RBFOX1: variants seen among roughly 807,000 people sequenced by gnomAD.
The protein encoded by RBFOX1 is RNA binding protein fox-1 homolog 1.
In RBFOX1, 8 loss-of-function variants were observed where a neutral mutation model predicts 57.7. The ratio of observed to expected loss-of-function variants is 0.14; its 90% CI spans 0.08 to 0.25. The LOEUF is 0.25. Ranked by LOEUF, RBFOX1 falls within the 10% of genes least tolerant of loss-of-function variation. The pLI is 1.00. For synonymous variants in RBFOX1, 326 were observed against 222.4 expected (o/e 1.47, Z -4.15); for missense variants, 611 against 548.5 (o/e 1.11, Z -1.14).
rs183598440 is a variant in RBFOX1, at chr16:6,536,786, G to C, written c.-63-117817G>C. Among the ~76,000 whole-genome samples, 455 of 152,254 alleles carry C rather than the reference G, an allele frequency of 3.0e-3. 1 individual carries two copies. Among genetic ancestry groups the C allele is most frequent in the Middle Eastern group, 0.017 (5 of 294 alleles). The stretch of plus-strand genomic sequence containing the variant: ...GAGAGATTAACAATACAAGAAGTTA[G>C]TAACATTGATCTGTCATGGCCAAGT... On this transcript the variant is annotated intron_variant, in intron 2 of 15. Coordinates refer to ENST00000550418, the MANE Select transcript of RBFOX1 (RefSeq NM_018723.4).
intron 3 of RBFOX1, among the ~76,000 whole-genome samples, chr16:6,680,382 C>T (rs1366499770): frequency 6.6e-6 from 1 of 150,552 alleles, no homozygotes; most frequent in Non-Finnish European, 1.5e-5. Flanking sequence ...CCTGCCTCAG[C>T]CTCCCGAGTA....
chr16:7,509,070 C>A (rs1045935489), intron 4 of RBFOX1, among the ~76,000 whole-genome samples: 1 of 152,160 alleles, frequency 6.6e-6, no homozygotes, highest in Admixed American at 6.5e-5. Context: ...CTGCCTTTGG[C>A]ATTGATGTGG....
intron 3 of RBFOX1, chr16:5,838,343 G>C (rs977907666): frequency 5.8e-6 from 1 of 171,766 alleles, no homozygotes. Flanking sequence ...AATGCAGCGA[G>C]CATGTGGAGG....
intron 3 of RBFOX1, among the ~76,000 whole-genome samples, chr16:6,669,938 C>G (rs1003257613): frequency 1.3e-5 from 2 of 152,186 alleles, no homozygotes; most frequent in East Asian, 1.9e-4. Flanking sequence ...AAAGGAGTAA[C>G]TTACAAACTT....
At chr16:7,014,575 A>C (rs1368899738) in intron 3 of RBFOX1, among the ~76,000 whole-genome samples, 1 of 152,026 alleles carries the variant, frequency 6.6e-6, no homozygotes, top group African/African-American at 2.4e-5. Flanking sequence ...CCCCGTCTTA[A>C]ACTGAATTTT....
In RBFOX1 at chr16:7,286,042, T is replaced by C. The variant is rs531007125; in HGVS notation, c.28-232105T>C. On this transcript the variant is annotated intron_variant, in intron 4 of 15. Coordinates refer to ENST00000550418, the MANE Select transcript of RBFOX1 (RefSeq NM_018723.4). ...TGCTTGTTTGTATCTTTAATCAGCA[T>C]ACTGGGAACACTGTACAATTCTTAG... Among the ~76,000 whole-genome samples the C allele has an allele frequency of 2.6e-5, 4 of 152,348 alleles. No homozygotes were observed. In the South Asian group the frequency reaches 8.3e-4, roughly 32 times the overall value.
Position 6,566,597 on chromosome 16 carries a change from T to C in RBFOX1, c.-63-88006T>C, listed in dbSNP as rs147043649. Among the ~76,000 whole-genome samples, 22 of 152,334 alleles carry C rather than the reference T, an allele frequency of 1.4e-4. No individual in the cohort carries two copies. In the East Asian group the frequency reaches 4.0e-3, roughly 28 times the overall value. On this transcript the variant is annotated intron_variant, in intron 2 of 15. Coordinates refer to ENST00000550418, the MANE Select transcript of RBFOX1 (RefSeq NM_018723.4). ...TTGCCGAAATACTGCTTTATTTCAT[T>C]TCTTATTATCTTTAGAAGGTATTAC...
chr16:6,657,396 A>G (rs1182976909), intron 3 of RBFOX1, among the ~76,000 whole-genome samples: 5 of 152,138 alleles, frequency 3.3e-5, no homozygotes, highest in African/African-American at 1.2e-4. Context: ...GCAAACGCTA[A>G]TGATCCCTGA....
intron 14 of RBFOX1, among the ~76,000 whole-genome samples, chr16:7,692,351 G>C (rs1172703725): frequency 6.6e-6 from 1 of 152,136 alleles, no homozygotes. Context: ...TGTACCTCTT[G>C]CAACAGTAAA....
intron 4 of RBFOX1, among the ~76,000 whole-genome samples, chr16:7,425,497 C>G (rs1243822185): frequency 2.0e-5 from 3 of 152,156 alleles, no homozygotes; most frequent in South Asian, 2.1e-4. Context: ...ACATTTATAT[C>G]AGGATGAATC....
intron 4 of RBFOX1, among the ~76,000 whole-genome samples, chr16:7,292,015 T>TGTATATATTATATTATACAATTATA (rs2095789450): frequency 7.1e-6 from 1 of 141,114 alleles, no homozygotes; most frequent in Non-Finnish European, 1.5e-5. Context: ...TATTATATAT[T>TGTATATATTATATTATACAATTATA]GTATATATTA....
intron 3 of RBFOX1, among the ~76,000 whole-genome samples, chr16:7,013,642 G>T (rs1399798597): frequency 3.9e-5 from 6 of 152,148 alleles, no homozygotes; most frequent in African/African-American, 1.2e-4. Flanking sequence ...GAGGGAGGAT[G>T]CCATTAACAA....
intron 4 of RBFOX1, among the ~76,000 whole-genome samples, chr16:7,462,420 G>C (rs889447638): frequency 2.0e-5 from 3 of 152,236 alleles, no homozygotes; most frequent in African/African-American, 7.2e-5. Flanking sequence ...AAACCCAGGA[G>C]GCAGAGATTG....
chr16:6,394,653 G>GAT lies in RBFOX1; in HGVS notation c.-64+77605_-64+77606dup, dbSNP rs963298980. Reference sequence around the variant, plus strand: ...TCTAATATATATATTATGTGTATTAGATATATATATGATATATATGATATA... The same window carrying GAT: ...TCTAATATATATATTATGTGTATTAGATATATATATATGATATATATGATATA... On this transcript the variant is annotated intron_variant, in intron 2 of 15. Transcript: ENST00000550418. Among the ~76,000 whole-genome samples the GAT allele has an allele frequency of 1.9e-4, 28 of 151,052 alleles. No homozygotes were observed. The East Asian group carries it at 3.9e-3, about 21-fold the overall frequency.
rs541817264 is a variant in RBFOX1, at chr16:7,405,116, G to A, written c.28-113031G>A. ...AGGGTGATTCTTGAGAGCTTTCTGG[G>A]CCCATCCTAGAGAAAAATCTCCAGT... On this transcript the variant is annotated intron_variant, in intron 4 of 15. Coordinates refer to ENST00000550418, the MANE Select transcript of RBFOX1 (RefSeq NM_018723.4). Among the ~76,000 whole-genome samples, 3 of 152,306 alleles carry A rather than the reference G, an allele frequency of 2.0e-5. No homozygotes were observed. In the East Asian group the frequency reaches 5.8e-4, roughly 29 times the overall value.
chr16:7,410,696 CA>C (rs939992164), intron 4 of RBFOX1, among the ~76,000 whole-genome samples: 15 of 141,626 alleles, frequency 1.1e-4, no homozygotes, highest in East Asian at 6.9e-4. Context: ...AACAAAACAA[CA>C]AAAAAACAAA....
intron 2 of RBFOX1, among the ~76,000 whole-genome samples, chr16:6,641,734 C>CAAAAAAAAAAAAA (rs869202831): frequency 8.7e-5 from 6 of 68,964 alleles, no homozygotes; most frequent in African/African-American, 1.3e-4. Context: ...GACTCCGTCT[C>CAAAAAAAAAAAAA]AAAAAAAAAA....
chr16:7,252,892 G>A lies in RBFOX1; in HGVS notation c.27+200794G>A, dbSNP rs148292747. ...TCATATGACCTACCCATATTTGGCAGAGCCGTTATCTTAGAGCCTCCAAAA... is the reference window on the plus strand; with the variant it reads ...TCATATGACCTACCCATATTTGGCAAAGCCGTTATCTTAGAGCCTCCAAAA... On this transcript the variant is annotated intron_variant, in intron 4 of 15. Transcript: ENST00000550418. Among the ~76,000 whole-genome samples, 145 of 152,126 alleles carry A rather than the reference G, an allele frequency of 9.5e-4. 2 individuals carry two copies. Among genetic ancestry groups the A allele is most frequent in the Admixed American group, 8.4e-3 (129 of 15,272 alleles).
intron 2 of RBFOX1, among the ~76,000 whole-genome samples, chr16:5,471,457 A>G (rs950037896): frequency 2.0e-5 from 3 of 152,126 alleles, no homozygotes; most frequent in Non-Finnish European, 4.4e-5. Flanking sequence ...AAACTAACAG[A>G]GAGGATCCAG....
Sources: gnomAD v4.1 joint callset for allele counts (sites outside exome capture counted in the v4.1 genomes callset) on GRCh38, gnomAD v4.1.1 for gene constraint, MANE v1.5 for transcripts, NCBI Gene and HGNC (gene_info 2026-07-23, HGNC 2026-07-21) for gene names.